Variants in CTNND2 observed in about 807,000 individuals in gnomAD.
The protein encoded by CTNND2 is catenin delta 2.
CTNND2 carries 22 observed loss-of-function variants against 144.4 expected under a neutral mutation model. The observed-to-expected ratio is 0.15, with a 90% CI of 0.11 to 0.22. The LOEUF (loss-of-function observed/expected upper bound fraction) is 0.22. CTNND2 is among the 10% of genes least tolerant of loss of function. The pLI, the probability that CTNND2 is intolerant of heterozygous loss-of-function variation, is 1.00. For missense variants in CTNND2, 1,353 were observed against 1,618.8 expected (o/e 0.84, Z 2.82); for synonymous variants, 751 against 695.6 (o/e 1.08, Z -1.25).
At chr5:11,833,270 GC>G (rs1460200815) in intron 1 of CTNND2, among the ~76,000 whole-genome samples, 1 of 152,040 alleles carries the variant, frequency 6.6e-6, no homozygotes, top group Admixed American at 6.5e-5. Context: ...TTGTGACAAA[GC>G]CACAATGAAT....
intron 9 of CTNND2, among the ~76,000 whole-genome samples, chr5:11,259,633 A>G (rs1744657886): frequency 1.3e-5 from 2 of 152,236 alleles, no homozygotes; most frequent in Non-Finnish European, 2.9e-5. Context: ...GCAAATGGCA[A>G]TGACATATAG....
Position 11,903,129 on chromosome 5 carries a change from T to G in CTNND2, c.37+688A>C, listed in dbSNP as rs1738046121. Reference sequence around the variant, plus strand: ...GCCATTAATTACGGATCACCCCAATTTTGCATCGCTCATCTCCCATACACA... The same window carrying G: ...GCCATTAATTACGGATCACCCCAATGTTGCATCGCTCATCTCCCATACACA... On this transcript the variant is annotated intron_variant, in intron 1 of 21. Transcript: ENST00000304623. This position sits in a 1 kb window ranked among gnomAD's most constrained non-coding sequence, Gnocchi z 5.4. The G allele has an allele frequency of 1.1e-6, 1 of 934,980 alleles. No individual in the cohort carries two copies. The highest frequency in any genetic ancestry group is 1.2e-4 in the East Asian group (1 of 8,564). The allele number at this position is 934,980 out of a possible 1,614,324, so 57.9% of individuals were successfully genotyped here. A position where few individuals can be genotyped will look rare whatever the true frequency, so the allele number is the denominator to read the frequency against.
intron 8 of CTNND2, among the ~76,000 whole-genome samples, chr5:11,359,556 C>A (rs1179661076): frequency 1.3e-5 from 2 of 152,208 alleles, no homozygotes; most frequent in African/African-American, 2.4e-5. Context: ...TCCTAGGCTG[C>A]CAGATCTCTG....
chr5:11,610,528 C>T (rs1780264014), intron 2 of CTNND2, among the ~76,000 whole-genome samples: 1 of 152,166 alleles, frequency 6.6e-6, no homozygotes, highest in African/African-American at 2.4e-5. Flanking sequence ...AGAAGGCTGC[C>T]TCAATTTTCA....
chr5:11,516,257 T>C (rs1267049450), intron 3 of CTNND2, among the ~76,000 whole-genome samples: 1 of 151,970 alleles, frequency 6.6e-6, no homozygotes, highest in African/African-American at 2.4e-5. Flanking sequence ...ACAACTAAGA[T>C]TGAGAATAAG....
Position 11,903,506 on chromosome 5 carries a change from C to T in CTNND2, c.37+311G>A. The T allele has an allele frequency of 3.0e-6, 2 of 668,432 alleles. No individual in the cohort carries two copies. The highest frequency in any genetic ancestry group is 4.2e-6 in the Non-Finnish European group (2 of 474,392). 41.4% of individuals were successfully genotyped at this position (668,432 alleles called of 1,614,324 possible). A position where few individuals can be genotyped will look rare whatever the true frequency, so the allele number is the denominator to read the frequency against. On this transcript the variant is annotated intron_variant, in intron 1 of 21. Transcript: ENST00000304623. This position sits in a 1 kb window ranked among gnomAD's most constrained non-coding sequence, Gnocchi z 5.4. ...ATGTTCTCAGGGTGGCGGGGAGCAG[C>T]ATTGTCGGTGTTGCCCTAAATACGC...
intron 12 of CTNND2, among the ~76,000 whole-genome samples, chr5:11,136,004 G>A (rs1256805304): frequency 6.6e-6 from 1 of 152,194 alleles, no homozygotes; most frequent in African/African-American, 2.4e-5. Context: ...CAAGGTGATG[G>A]TATTAAGTGA....
At chr5:11,052,230 C>T (rs1418661714) in intron 16 of CTNND2, among the ~76,000 whole-genome samples, 1 of 152,010 alleles carries the variant, frequency 6.6e-6, no homozygotes, top group Non-Finnish European at 1.5e-5. Context: ...CTTTTTTTTC[C>T]ATGATGAAAC....
At chr5:11,412,004 T>G in intron 4 of CTNND2, 31 bp downstream of exon 4, 1 of 1,568,782 alleles carries the variant, frequency 6.4e-7, no homozygotes, top group Non-Finnish European at 8.8e-7. Context: ...TGTTTAGAAG[T>G]GTAAGTGTTC....
At chr5:11,146,722 G>A (rs562435194) in intron 12 of CTNND2, among the ~76,000 whole-genome samples, 8 of 152,256 alleles carry the variant, frequency 5.3e-5, no homozygotes, top group African/African-American at 1.9e-4. Context: ...TGAGCACATC[G>A]TGAGGACAAA....
intron 12 of CTNND2, among the ~76,000 whole-genome samples, chr5:11,156,197 T>C (rs972990567): frequency 2.0e-5 from 3 of 152,268 alleles, no homozygotes; most frequent in Admixed American, 2.0e-4. Context: ...AGGCAGATTT[T>C]ACTGACTTAA....
At chr5:11,428,022 C>A (rs939377260) in intron 3 of CTNND2, among the ~76,000 whole-genome samples, 2 of 152,144 alleles carry the variant, frequency 1.3e-5, no homozygotes, top group Admixed American at 6.5e-5. Flanking sequence ...AAAGCAGAAA[C>A]CCCTGATAAA....
chr5:11,479,761 C>CTT (rs80069422), intron 3 of CTNND2, among the ~76,000 whole-genome samples: 1 of 146,928 alleles, frequency 6.8e-6, no homozygotes, highest in African/African-American at 2.5e-5. Flanking sequence ...TGATACTGAG[C>CTT]TTTTTTTTTT....
chr5:11,281,235 C>A (rs566144510), intron 9 of CTNND2, among the ~76,000 whole-genome samples: 1 of 152,174 alleles, frequency 6.6e-6, no homozygotes, highest in African/African-American at 2.4e-5. Context: ...GATAAGGTCA[C>A]TGAGGGAAAG....
intron 7 of CTNND2, among the ~76,000 whole-genome samples, chr5:11,374,803 T>TG (rs1757776013): frequency 8.5e-6 from 1 of 117,908 alleles, no homozygotes; most frequent in Non-Finnish European, 1.7e-5. Flanking sequence ...TTTTTTTTTT[T>TG]TGTTACATCA....
At chr5:11,326,005 G>A (rs991060336) in intron 9 of CTNND2, among the ~76,000 whole-genome samples, 10 of 152,166 alleles carry the variant, frequency 6.6e-5, no homozygotes, top group African/African-American at 2.4e-4. Context: ...AACATGGGAT[G>A]TGTGCTGCAT....
At chr5:11,479,866 T>G (rs2149972862) in intron 3 of CTNND2, among the ~76,000 whole-genome samples, 1 of 152,294 alleles carries the variant, frequency 6.6e-6, no homozygotes, top group South Asian at 2.1e-4. Context: ...TTGGTTTAAG[T>G]TCTTATAAAT....
intron 20 of CTNND2, among the ~76,000 whole-genome samples, chr5:10,987,067 T>TCA (rs1402065938): frequency 2.3e-5 from 3 of 130,310 alleles, no homozygotes; most frequent in Non-Finnish European, 5.1e-5. Flanking sequence ...AGGCTCTTCC[T>TCA]CATAGCCTAT....
intron 16 of CTNND2, among the ~76,000 whole-genome samples, chr5:11,061,937 G>A (rs974683038): frequency 2.0e-5 from 3 of 152,138 alleles, no homozygotes; most frequent in African/African-American, 7.2e-5. Context: ...TCGAACTCCT[G>A]ACCTCAGGTG....
Sources: gnomAD v4.1 joint callset for allele counts (sites outside exome capture counted in the v4.1 genomes callset) on GRCh38, gnomAD v4.1.1 for gene constraint, Gnocchi (gnomAD v3.1) non-coding constraint, MANE v1.5 for transcripts, NCBI Gene and HGNC (gene_info 2026-07-23, HGNC 2026-07-21) for gene names.